The following DEPDC1B variants were observed in gnomAD, a reference collection of about 807,000 sequenced individuals.
DEPDC1B encodes DEP domain-containing protein 1B.
DEPDC1B carries 51 observed loss-of-function variants against 66.5 expected under a neutral mutation model. The ratio of observed to expected loss-of-function variants is 0.77; its 90% CI spans 0.61 to 0.97. The LOEUF (loss-of-function observed/expected upper bound fraction) is 0.97. Ranked by LOEUF, DEPDC1B falls within the 50% of genes least tolerant of loss-of-function variation. The probability of loss-of-function intolerance (pLI) is 0.00; values close to 1 mark genes in which losing one functional copy is unlikely to be tolerated. For missense variants in DEPDC1B, 552 were observed against 637.1 expected, an observed-to-expected ratio of 0.87 and a Z score of 1.44; for synonymous variants, 226 against 223.6, an observed-to-expected ratio of 1.01 and a Z score of -0.10.
At chr5:60,609,819 A>C (rs1250483692) in intron 7 of DEPDC1B, among the ~76,000 whole-genome samples, 4 of 152,190 alleles carry the variant, frequency 2.6e-5, no homozygotes, top group Non-Finnish European at 4.4e-5. Context: ...GCTTGGGACA[A>C]AACCTATTAT....
intron 2 of DEPDC1B, among the ~76,000 whole-genome samples, chr5:60,649,385 A>G (rs1479443008): frequency 6.6e-6 from 1 of 152,168 alleles, no homozygotes; most frequent in Non-Finnish European, 1.5e-5. Flanking sequence ...TTTCCTCCAC[A>G]CTAAGAAGAT....
intron 7 of DEPDC1B, among the ~76,000 whole-genome samples, chr5:60,611,243 A>G (rs1199241471): frequency 6.6e-6 from 1 of 152,240 alleles, no homozygotes; most frequent in Non-Finnish European, 1.5e-5. Context: ...GGAACCACAC[A>G]ATATGCCCAT....
At chr5:60,667,278 A>G (rs1289253537) in intron 2 of DEPDC1B, among the ~76,000 whole-genome samples, 1 of 152,068 alleles carries the variant, frequency 6.6e-6, no homozygotes, top group African/African-American at 2.4e-5. Context: ...CTGTTCATCA[A>G]GATACCATAA....
chr5:60,638,449 T>C (rs1298440396), intron 7 of DEPDC1B, among the ~76,000 whole-genome samples: 2 of 152,208 alleles, frequency 1.3e-5, no homozygotes, highest in Non-Finnish European at 2.9e-5. Flanking sequence ...AATGTCAAAC[T>C]TACATTCTCC....
chr5:60,658,659 G>A (rs765444547), intron 2 of DEPDC1B, among the ~76,000 whole-genome samples: 2 of 152,162 alleles, frequency 1.3e-5, no homozygotes, highest in Non-Finnish European at 2.9e-5. Context: ...GCTAAAGCAG[G>A]AGGTAAAGAA....
chr5:60,629,376 A>C (rs1752874883), intron 7 of DEPDC1B, among the ~76,000 whole-genome samples: 1 of 152,216 alleles, frequency 6.6e-6, no homozygotes, highest in South Asian at 2.1e-4. Context: ...TGGGATTACT[A>C]CAGCAAATGA....
chr5:60,659,998 C>T (rs1208830211), intron 2 of DEPDC1B, among the ~76,000 whole-genome samples: 1 of 152,108 alleles, frequency 6.6e-6, no homozygotes, highest in Non-Finnish European at 1.5e-5. Context: ...ACTTTAACAA[C>T]TGGAACTGGA....
rs112379815 is a variant in DEPDC1B at position 60,676,058 on chromosome 5, G to C, written c.314+10904C>G. Among the ~76,000 whole-genome samples the C allele has an allele frequency of 1.2e-3, 188 of 151,972 alleles. 2 individuals carry two copies. The highest frequency in any genetic ancestry group is 4.5e-3 in the African/African-American group (187 of 41,466). On this transcript the variant is annotated intron_variant, in intron 2 of 10. Transcript: ENST00000265036. ...TTCTCCTGCCTCAGCCTCCCGAGTA[G>C]CTGGGACTACAGGCACCTGCCACCA...
rs1009389227 is a variant in DEPDC1B, at chr5:60,614,590, T to A, written c.899-8734A>T. ...AATTTATCATATGATAGGAATTTTT[T>A]AATATTTAGATGTAATATGTTTATT... On this transcript the variant is annotated intron_variant, in intron 7 of 10. Transcript: ENST00000265036. Among the ~76,000 whole-genome samples the A allele has an allele frequency of 2.6e-5, 4 of 152,250 alleles. No homozygotes were observed. The East Asian group carries it at 5.8e-4, about 22-fold the overall frequency.
chr5:60,608,961 TTAGA>T (rs1752364769), intron 7 of DEPDC1B, among the ~76,000 whole-genome samples: 1 of 151,924 alleles, frequency 6.6e-6, no homozygotes, highest in South Asian at 2.1e-4. Flanking sequence ...CATTAAAAAA[TTAGA>T]TAGGCATAGT....
chr5:60,698,677 T>TG (rs1196073247), intron 1 of DEPDC1B, among the ~76,000 whole-genome samples: 1 of 151,822 alleles, frequency 6.6e-6, no homozygotes, highest in East Asian at 1.9e-4. Context: ...TTATTTTTTT[T>TG]TTTTTTTGAG....
rs1329846821 is a variant in DEPDC1B, at chr5:60,668,204, A to ATT, written c.314+18756_314+18757dup. Among the ~76,000 whole-genome samples, 2 of 58,796 alleles carry ATT rather than the reference A, an allele frequency of 3.4e-5. 1 individual carries two copies. The highest frequency in any genetic ancestry group is 6.6e-5 in the Non-Finnish European group (2 of 30,226). The allele number at this position is 58,796 out of a possible 152,430, so 38.6% of individuals were successfully genotyped here. A position where few individuals can be genotyped will look rare whatever the true frequency, so the allele number is the denominator to read the frequency against. ...TATTTTATATATATATAAAATGGAT[A>ATT]TTTTATATATATATATAAAATGGAT... On this transcript the variant is annotated intron_variant, in intron 2 of 10. Transcript: ENST00000265036.
At chr5:60,669,614 T>C (rs908778208) in intron 2 of DEPDC1B, among the ~76,000 whole-genome samples, 6 of 152,264 alleles carry the variant, frequency 3.9e-5, no homozygotes, top group African/African-American at 1.4e-4. Context: ...CTGCTAATGA[T>C]TACATTTCAC....
At chr5:60,639,016 G>T in intron 6 of DEPDC1B, 126 bp from the exon 7 acceptor site, 1 of 1,023,912 alleles carries the variant, frequency 9.8e-7, no homozygotes. Context: ...AAGTTTTTAT[G>T]GGGAAAATTG....
At chr5:60,611,657 A>T (rs1752415856) in intron 7 of DEPDC1B, among the ~76,000 whole-genome samples, 1 of 152,230 alleles carries the variant, frequency 6.6e-6, no homozygotes, top group South Asian at 2.1e-4. Flanking sequence ...CCTAGATAGA[A>T]GATCCAACCA....
intron 1 of DEPDC1B, among the ~76,000 whole-genome samples, chr5:60,689,681 CTT>C (rs201360200): frequency 3.3e-4 from 49 of 147,280 alleles, no homozygotes; most frequent in African/African-American, 1.2e-3. Flanking sequence ...GATGTGATCT[CTT>C]TTTTTTTTTC....
chr5:60,643,147 C>A (rs1016550694), intron 5 of DEPDC1B, among the ~76,000 whole-genome samples: 1 of 151,648 alleles, frequency 6.6e-6, no homozygotes, highest in Non-Finnish European at 1.5e-5. Context: ...TCCAAACAAA[C>A]AAACAAACCA....
chr5:60,617,319 T>C (rs1584032906), intron 7 of DEPDC1B, among the ~76,000 whole-genome samples: 1 of 152,208 alleles, frequency 6.6e-6, no homozygotes, highest in Middle Eastern at 3.4e-3. Context: ...GGCTAAATGC[T>C]CCAATTAAAA....
chr5:60,699,432 C>T (rs574818432), intron 1 of DEPDC1B, among the ~76,000 whole-genome samples: 1 of 17,522 alleles, frequency 5.7e-5, no homozygotes, highest in East Asian at 2.6e-3. Flanking sequence ...AATACCAAAG[C>T]TTTTCTCCCA....
Sources: gnomAD v4.1 joint callset for allele counts (sites outside exome capture counted in the v4.1 genomes callset) on GRCh38, gnomAD v4.1.1 for gene constraint, MANE v1.5 for transcripts, NCBI Gene and HGNC (gene_info 2026-07-23, HGNC 2026-07-21) for gene names.